EDA: variants seen among roughly 807,000 people sequenced by gnomAD.
EDA encodes ectodysplasin-A.
EDA carries 2 observed loss-of-function variants against 23.6 expected under a neutral mutation model. That is an observed-to-expected ratio of 0.08 (90% CI 0.03 to 0.27). The LOEUF is 0.27. EDA is among the 10% of genes least tolerant of loss of function. EDA has a pLI of 1.00. For synonymous variants in EDA, 131 were observed against 132.0 expected (o/e 0.99, Z 0.05); for missense variants, 229 against 324.2 (o/e 0.71, Z 2.26).
intron 1 of EDA, among the ~76,000 whole-genome samples, chrX:69,869,208 C>T (rs1249386525): frequency 9.0e-6 from 1 of 111,196 alleles, no homozygotes; most frequent in South Asian, 3.9e-4. Context: ...TGCATTCTGG[C>T]ACTGAGGAAA....
chrX:69,628,190 A>G (rs767710398), intron 1 of EDA, among the ~76,000 whole-genome samples: 80 of 112,345 alleles, frequency 7.1e-4, no homozygotes, highest in Non-Finnish European at 1.2e-3. Context: ...GTGGCCTACA[A>G]GGACAATGAA....
At position 69,843,101 on chromosome X, in the gene EDA, A is replaced by G. The variant is rs1602473408; in HGVS notation, c.397-113926A>G. Among the ~76,000 whole-genome samples the G allele has an allele frequency of 3.6e-5, 4 of 112,569 alleles. No homozygotes were observed. The South Asian group carries it at 1.5e-3, about 41-fold the overall frequency. ...CTTATGGGTTAGTAAGTTATACTTG[A>G]TAAAAATAAATGTGCAAACGAATAT... On this transcript the variant is annotated intron_variant, in intron 1 of 7. Coordinates refer to ENST00000374552, the MANE Select transcript of EDA (RefSeq NM_001399.5).
At chrX:69,735,432 T>A in intron 1 of EDA, among the ~76,000 whole-genome samples, 1 of 111,831 alleles carries the variant, frequency 8.9e-6, no homozygotes. Context: ...AAAAGACAAA[T>A]ACTATTTGTT....
chrX:69,855,783 G>A (rs1355888121), intron 1 of EDA, among the ~76,000 whole-genome samples: 1 of 111,818 alleles, frequency 8.9e-6, no homozygotes, highest in African/African-American at 3.2e-5. Flanking sequence ...GCTTAAGATT[G>A]TCTTGTATAT....
chrX:69,764,819 A>G (rs953855461), intron 1 of EDA, among the ~76,000 whole-genome samples: 2 of 111,303 alleles, frequency 1.8e-5, no homozygotes, highest in Non-Finnish European at 3.8e-5. Flanking sequence ...TATTCTCTGG[A>G]TGACATCTCA....
At chrX:69,636,678 A>G (rs1259283987) in intron 1 of EDA, among the ~76,000 whole-genome samples, 1 of 105,637 alleles carries the variant, frequency 9.5e-6, no homozygotes, top group Non-Finnish European at 1.9e-5. Context: ...GGAAAGAATT[A>G]GAATGTGATA....
At chrX:69,935,871 A>T (rs1717831911) in intron 1 of EDA, among the ~76,000 whole-genome samples, 1 of 109,633 alleles carries the variant, frequency 9.1e-6, no homozygotes, top group South Asian at 3.9e-4. Flanking sequence ...TCCTCAGGTA[A>T]TTTTATTAGC....
chrX:69,866,332 C>T (rs2017485375), intron 1 of EDA, among the ~76,000 whole-genome samples: 1 of 111,478 alleles, frequency 9.0e-6, no homozygotes, highest in African/African-American at 3.3e-5. Flanking sequence ...CCTGGGTCAA[C>T]CACCCCAGCC....
chrX:69,733,365 C>A (rs184214013), intron 1 of EDA, among the ~76,000 whole-genome samples: 272 of 111,901 alleles, frequency 2.4e-3, no homozygotes, highest in Middle Eastern at 4.6e-3. Flanking sequence ...GGAATCCTTT[C>A]CCCATTTCTT....
chrX:69,750,665 C>T (rs891651589), intron 1 of EDA, among the ~76,000 whole-genome samples: 1 of 111,133 alleles, frequency 9.0e-6, no homozygotes, highest in African/African-American at 3.3e-5. Flanking sequence ...CCTATTTCTC[C>T]ACATCCTCTC....
chrX:69,910,166 AT>A (rs1054816040), intron 1 of EDA, among the ~76,000 whole-genome samples: 31 of 103,825 alleles, frequency 3.0e-4, no homozygotes, highest in Non-Finnish European at 3.2e-4. Context: ...TTAATTAATT[AT>A]TTTTTTTTTT....
chrX:69,676,193 G>A (rs567884120), intron 1 of EDA, among the ~76,000 whole-genome samples: 5 of 111,242 alleles, frequency 4.5e-5, no homozygotes, highest in East Asian at 5.7e-4. Context: ...CCAATGGAGG[G>A]GCTTGAGCAA....
At chrX:70,002,000 G>A (rs1021152839) in intron 2 of EDA, among the ~76,000 whole-genome samples, 1 of 111,535 alleles carries the variant, frequency 9.0e-6, no homozygotes, top group African/African-American at 3.3e-5. Flanking sequence ...CTAGGGCTGG[G>A]GTCCAAGCAT....
intron 1 of EDA, among the ~76,000 whole-genome samples, chrX:69,859,598 T>C (rs1602489858): frequency 8.9e-6 from 1 of 112,277 alleles, no homozygotes; most frequent in East Asian, 2.8e-4. Flanking sequence ...TCTTTTGTTA[T>C]GATTTCGGTT....
intron 1 of EDA, among the ~76,000 whole-genome samples, chrX:69,720,509 T>C (rs1472694577): frequency 9.0e-6 from 1 of 111,651 alleles, no homozygotes; most frequent in Non-Finnish European, 1.9e-5. Context: ...GAGTATTAGA[T>C]CTTTTTTCAT....
intron 1 of EDA, among the ~76,000 whole-genome samples, chrX:69,794,221 G>GA (rs764935497): frequency 3.3e-4 from 34 of 103,011 alleles, no homozygotes; most frequent in Middle Eastern, 5.2e-3. Context: ...GTGGTTGAAA[G>GA]AAAAAAAAAA....
At chrX:69,763,582 G>A (rs1251314633) in intron 1 of EDA, among the ~76,000 whole-genome samples, 3 of 111,970 alleles carry the variant, frequency 2.7e-5, no homozygotes, top group Non-Finnish European at 5.6e-5. Flanking sequence ...GCAGTATAAT[G>A]AAGGTATATT....
At chrX:69,636,103 T>G (rs757056760) in intron 1 of EDA, among the ~76,000 whole-genome samples, 11 of 111,416 alleles carry the variant, frequency 9.9e-5, no homozygotes, top group Non-Finnish European at 2.1e-4. Context: ...AATCTCATGT[T>G]AAAACATAAT....
chrX:70,027,763 C>T, intron 3 of EDA, 94 bp from the exon 4 acceptor site: 1 of 499,443 alleles, frequency 2.0e-6, no homozygotes. Flanking sequence ...GTGGAGGTTG[C>T]AGTGAGCCGA....
Sources: allele counts gnomAD v4.1 joint callset (sites outside exome capture counted in the v4.1 genomes callset), GRCh38; gene constraint gnomAD v4.1.1; transcripts MANE v1.5; gene names NCBI Gene and HGNC (gene_info 2026-07-23, HGNC 2026-07-21).